The following ARMC8 variants were observed in gnomAD, a reference collection of about 807,000 sequenced individuals.
ARMC8 encodes the protein armadillo repeat containing 8, also known as armadillo repeat-containing protein 8.
ARMC8 carries 20 observed loss-of-function variants against 99.3 expected under a neutral mutation model. The observed-to-expected ratio is 0.20, with a 90% CI of 0.14 to 0.29. The LOEUF (loss-of-function observed/expected upper bound fraction) is 0.29. Ranked by LOEUF, ARMC8 falls within the 10% of genes least tolerant of loss-of-function variation. ARMC8 has a pLI of 1.00. For synonymous variants in ARMC8, 263 were observed against 278.3 expected (o/e 0.95, Z 0.55); for missense variants, 569 against 809.5 (o/e 0.70, Z 3.60).
At chr3:138,225,932 T>A (rs1041424844) in intron 5 of ARMC8, among the ~76,000 whole-genome samples, 14 of 152,318 alleles carry the variant, frequency 9.2e-5, no homozygotes, top group African/African-American at 2.9e-4. Context: ...AGGTGGTCAG[T>A]AGGTGAGATT....
chr3:138,270,238 A>T, intron 16 of ARMC8, 106 bp downstream of exon 16: 1 of 896,014 alleles, frequency 1.1e-6, no homozygotes, highest in Non-Finnish European at 1.7e-6. Context: ...TTCTTTTTCA[A>T]AAATCTGGCT....
intron 18 of ARMC8, among the ~76,000 whole-genome samples, chr3:138,282,993 A>G (rs1055301644): frequency 7.2e-5 from 11 of 152,342 alleles, no homozygotes; most frequent in African/African-American, 2.4e-4. Flanking sequence ...CACCTTCTCC[A>G]GATCAGATCA....
chr3:138,289,820 G>A (rs1035753445), intron 20 of ARMC8, among the ~76,000 whole-genome samples: 1 of 152,074 alleles, frequency 6.6e-6, no homozygotes, highest in Non-Finnish European at 1.5e-5. Flanking sequence ...GCAGATTTCT[G>A]GGCCCCATCC....
chr3:138,273,209 C>A, intron 17 of ARMC8, 93 bp downstream of exon 17: 2 of 1,288,604 alleles, frequency 1.6e-6, no homozygotes, highest in Non-Finnish European at 2.1e-6. Flanking sequence ...AACATCTGCC[C>A]ATGAGTGTGA....
Position 138,263,917 on chromosome 3 carries a change from T to C in ARMC8, c.1217+96T>C, listed in dbSNP as rs570549208. On this transcript the variant is annotated intron_variant, in intron 13 of 21. Coordinates refer to ENST00000469044, the MANE Select transcript of ARMC8 (RefSeq NM_001363941.2). ...ACTGAGTAAACACAGACTACAAATGTTCCTCAAAAATCTGCTCAGGTGAAT... is the reference window on the plus strand; with the variant it reads ...ACTGAGTAAACACAGACTACAAATGCTCCTCAAAAATCTGCTCAGGTGAAT... The C allele has an allele frequency of 3.3e-6, 4 of 1,208,570 alleles. No individual in the cohort carries two copies. In the East Asian group the frequency reaches 9.3e-5, roughly 28 times the overall value. The allele number at this position is 1,208,570 out of a possible 1,614,324, so 74.9% of individuals were successfully genotyped here.
chr3:138,200,008 TC>T (rs763404573), intron 1 of ARMC8, among the ~76,000 whole-genome samples: 1 of 152,198 alleles, frequency 6.6e-6, no homozygotes, highest in Non-Finnish European at 1.5e-5. Context: ...TTGAGTTGTT[TC>T]AGTTTGTGGT....
intron 3 of ARMC8, 64 bp downstream of exon 3, chr3:138,222,061 C>A: frequency 3.2e-6 from 4 of 1,266,708 alleles, no homozygotes; most frequent in Non-Finnish European, 4.5e-6. Context: ...TTCTTACTCT[C>A]AATTATAGAA....
chr3:138,229,169 T>TATATATATATATAC (rs2045886592), intron 6 of ARMC8, 159 bp downstream of exon 6: 10 of 48,882 alleles, frequency 2.0e-4, no homozygotes, highest in African/African-American at 5.9e-4. Context: ...TATATATATA[T>TATATATATATATAC]ATATATATAT....
At chr3:138,191,674 C>A (rs1316268245) in intron 1 of ARMC8, among the ~76,000 whole-genome samples, 3 of 152,228 alleles carry the variant, frequency 2.0e-5, no homozygotes, top group Non-Finnish European at 4.4e-5. Context: ...CAACAGGTAT[C>A]CCTAACCCCT....
intron 2 of ARMC8, among the ~76,000 whole-genome samples, chr3:138,214,874 T>C (rs1243236397): frequency 6.6e-6 from 1 of 152,108 alleles, no homozygotes; most frequent in Non-Finnish European, 1.5e-5. Flanking sequence ...GGCTGGGCTG[T>C]TCTCGAACTC....
Position 138,295,863 on chromosome 3 carries a change from A to C in ARMC8, c.1993A>C (p.Lys665Gln), listed in dbSNP as rs770858025. Reference sequence around the variant, plus strand: ...ACAGGAATTTTGTGATTTCAGGGCAAAGATGGCACTGCAGCAGTACCTGGC... The same window carrying C: ...ACAGGAATTTTGTGATTTCAGGGCACAGATGGCACTGCAGCAGTACCTGGC... Reference protein sequence around the residue: ...SPDSNLCDKAKMALQQYLA With the variant: ...SPDSNLCDKAQMALQQYLA The change falls in exon 22 of 22, where the codon AAG (lysine) becomes CAG (glutamine). Residue 665 changes from lysine to glutamine, a missense_variant. Transcript: ENST00000469044. The C allele has an allele frequency of 1.9e-6, 3 of 1,613,744 alleles. No individual in the cohort carries two copies. The highest frequency in any genetic ancestry group is 2.2e-5 in the East Asian group (1 of 44,862).
At chr3:138,218,442 C>T (rs560341297) in intron 2 of ARMC8, among the ~76,000 whole-genome samples, 33 of 152,248 alleles carry the variant, frequency 2.2e-4, no homozygotes, top group Non-Finnish European at 4.3e-4. Flanking sequence ...ACTTGTTTTT[C>T]AGTTCAGGCT....
At chr3:138,262,515 G>C (rs2108258738) in intron 12 of ARMC8, 2 of 1,608,928 alleles carry the variant, frequency 1.2e-6, no homozygotes, top group East Asian at 4.5e-5. Context: ...CATGTTCTAA[G>C]GTCAGACTTC....
rs753468776 is a variant in ARMC8, at chr3:138,228,933, C to A, written c.451C>A (p.Pro151Thr). ...CCTTCCCTAGGATGCCACAGTGATA[C>A]CACACCTCATGGCACTGCTTAGCAG... ...ELLYTDATVI[P>T]HLMALLSRSR... The change falls in exon 6 of 22, where the codon CCA becomes ACA. Residue 151 changes from proline (P) to threonine (T), a missense_variant. By Grantham distance (38) the Pro-to-Thr change is conservative. Coordinates refer to ENST00000469044, the MANE Select transcript of ARMC8 (RefSeq NM_001363941.2). The A allele has an allele frequency of 3.7e-6, 6 of 1,607,602 alleles. No homozygotes were observed. Among genetic ancestry groups the A allele is most frequent in the Non-Finnish European group, 5.1e-6 (6 of 1,176,090 alleles).
At chr3:138,224,020 G>A (rs1017656361) in intron 5 of ARMC8, among the ~76,000 whole-genome samples, 1 of 148,398 alleles carries the variant, frequency 6.7e-6, no homozygotes, top group Non-Finnish European at 1.5e-5. Flanking sequence ...GTGCAGTGGC[G>A]CGATCTCGGC....
chr3:138,224,972 CTT>C (rs1457986806), intron 5 of ARMC8, among the ~76,000 whole-genome samples: 3 of 152,094 alleles, frequency 2.0e-5, no homozygotes, highest in African/African-American at 7.2e-5. Flanking sequence ...GTTCAGCTGA[CTT>C]TCGGTTGAAA....
rs1383175137 is a variant in ARMC8, at chr3:138,187,517, G to T, written c.-38G>T. On this transcript the variant is annotated 5_prime_UTR_variant, in exon 1 of 22. Coordinates refer to ENST00000469044, the MANE Select transcript of ARMC8 (RefSeq NM_001363941.2). ...TTGGCTGTCGAAAGTGCCGGCCCCC[G>T]CGCCGGCGCCTGCAGCAGCCGGGTG... The T allele has an allele frequency of 9.8e-6, 15 of 1,535,072 alleles. No homozygotes were observed. The highest frequency in any genetic ancestry group is 1.3e-5 in the Non-Finnish European group (15 of 1,146,116).
chr3:138,205,512 A>G (rs1459738580), intron 1 of ARMC8, among the ~76,000 whole-genome samples: 3 of 152,208 alleles, frequency 2.0e-5, no homozygotes, highest in Non-Finnish European at 4.4e-5. Context: ...CCATGCTACC[A>G]TCATCTATGA....
intron 17 of ARMC8, among the ~76,000 whole-genome samples, chr3:138,274,233 ATGTGTGTG>A (rs142329302): frequency 4.9e-5 from 7 of 142,268 alleles, no homozygotes; most frequent in East Asian, 2.0e-4. Flanking sequence ...GTGTATATAC[ATGTGTGTG>A]TGTGTGTGTG....
Sources: allele counts gnomAD v4.1 joint callset (sites outside exome capture counted in the v4.1 genomes callset), GRCh38; gene constraint gnomAD v4.1.1; transcripts MANE v1.5; gene names NCBI Gene and HGNC (gene_info 2026-07-23, HGNC 2026-07-21).